The following SDK2 variants were observed in gnomAD, a reference collection of about 807,000 sequenced individuals.
SDK2 encodes sidekick cell adhesion molecule 2, also known as protein sidekick-2.
Under a neutral mutation model 253.9 loss-of-function variants are expected in SDK2, and 105 were observed. That is an observed-to-expected ratio of 0.41 (90% confidence interval 0.35 to 0.49). SDK2 has a LOEUF of 0.49. Among genes scored for constraint, SDK2 ranks in the 20% least tolerant of loss-of-function variants. The probability of loss-of-function intolerance (pLI) is 0.06; values close to 1 mark genes in which losing one functional copy is unlikely to be tolerated. For synonymous variants in SDK2, 1,249 were observed against 1,234.9 expected, an observed-to-expected ratio of 1.01 and a Z score of -0.24; for missense variants, 2,608 against 3,003.0, an observed-to-expected ratio of 0.87 and a Z score of 3.07.
At chr17:73,452,875 G>A (rs564068201) in intron 4 of SDK2, among the ~76,000 whole-genome samples, 1 of 152,270 alleles carries the variant, frequency 6.6e-6, no homozygotes, top group African/African-American at 2.4e-5. Flanking sequence ...AAACCTGTGT[G>A]GAGAGCATTC....
intron 1 of SDK2, among the ~76,000 whole-genome samples, chr17:73,634,813 C>T (rs1430982517): frequency 6.6e-6 from 1 of 152,180 alleles, no homozygotes; most frequent in East Asian, 1.9e-4. Flanking sequence ...ACACAGAACA[C>T]TGTGTCCTAA....
Position 73,358,091 on chromosome 17 carries a change from C to A in SDK2, c.5581G>T (p.Ala1861Ser), listed in dbSNP as rs1229256041. 14 of 1,613,068 alleles carry A rather than the reference C, an allele frequency of 8.7e-6. No homozygotes were observed. Among genetic ancestry groups the A allele is most frequent in the East Asian group, 4.5e-5 (2 of 44,880 alleles). ...GGGCGGGGCGCACCTGAAGGTCTGGCCTCGATGACGTAGCGGGTGATGGGC... is the reference window on the plus strand; with the variant it reads ...GGGCGGGGCGCACCTGAAGGTCTGGACTCGATGACGTAGCGGGTGATGGGC... ...KGPITRYVIE[A>S]RPSDEGLWDI... The change falls in exon 40 of 45, where the codon GCC becomes TCC. Residue 1861 changes from alanine to serine, a missense_variant. Physicochemically the swap from Ala to Ser is moderately conservative, Grantham distance 99. Transcript: ENST00000392650.
At chr17:73,348,514 A>G (rs998394284) in intron 44 of SDK2, 85 bp downstream of exon 44, 26 of 1,488,338 alleles carry the variant, frequency 1.7e-5, no homozygotes, top group Non-Finnish European at 1.7e-5. Flanking sequence ...GAAGGAAAGG[A>G]AGAAAGCCCA....
At chr17:73,531,198 G>A (rs2064166532) in intron 1 of SDK2, among the ~76,000 whole-genome samples, 1 of 152,152 alleles carries the variant, frequency 6.6e-6, no homozygotes, top group Admixed American at 6.5e-5. Flanking sequence ...CTTTAACCCT[G>A]ATTTCTTGCC....
At chr17:73,440,688 AT>A in intron 6 of SDK2, 123 bp downstream of exon 6, 1 of 740,618 alleles carries the variant, frequency 1.4e-6, no homozygotes, top group Non-Finnish European at 2.4e-6. Context: ...GTCTCCTTGC[AT>A]CCCTCCTCCC....
chr17:73,634,965 G>T (rs79109180), intron 1 of SDK2, among the ~76,000 whole-genome samples: 1 of 151,970 alleles, frequency 6.6e-6, no homozygotes, highest in African/African-American at 2.4e-5. Context: ...TTGAGCCCAG[G>T]GAGTCACCCG....
intron 40 of SDK2, chr17:73,357,233 C>A (rs1313937606): frequency 1.3e-5 from 2 of 152,342 alleles, no homozygotes; most frequent in Non-Finnish European, 2.9e-5. Context: ...ATGATTAGTG[C>A]CCAGCTACCT....
At position 73,447,488 on chromosome 17, in the gene SDK2, CCCGG is replaced by C. The variant is rs2063460971; in HGVS notation, c.613+123_613+126del. ...TCTCGTCCTCCTTGGGAAGGCTCCC[CCCGG>C]CCGTCCCCTAGCTTCCCTGTCCCCC... is the stretch of plus-strand genomic sequence containing the variant. On this transcript the variant is annotated intron_variant, in intron 5 of 44. Coordinates refer to ENST00000392650, the MANE Select transcript of SDK2 (RefSeq NM_001144952.2). This position sits in a 1 kb window ranked among gnomAD's most constrained non-coding sequence, Gnocchi z 4.0. 1 of 1,370,528 alleles carries C rather than the reference CCCGG, an allele frequency of 7.3e-7. No individual in the cohort carries two copies. The highest frequency in any genetic ancestry group is 1.4e-5 in the African/African-American group (1 of 69,604). The allele number at this position is 1,370,528 out of a possible 1,614,324, so 84.9% of individuals were successfully genotyped here. A position where few individuals can be genotyped will look rare whatever the true frequency, so the allele number is the denominator to read the frequency against.
chr17:73,584,310 C>T (rs867981029), intron 1 of SDK2, among the ~76,000 whole-genome samples: 3 of 152,316 alleles, frequency 2.0e-5, no homozygotes, highest in Middle Eastern at 3.4e-3. Flanking sequence ...GCCGGTGCTA[C>T]AGGGGTGGGA....
chr17:73,488,469 G>A (rs1327351658), intron 2 of SDK2, among the ~76,000 whole-genome samples: 4 of 152,232 alleles, frequency 2.6e-5, no homozygotes, highest in African/African-American at 4.8e-5. Flanking sequence ...TCTGCAAGAA[G>A]CAGGAGTCAA....
In SDK2 at chr17:73,416,220, G is replaced by A. The variant is rs532635042; in HGVS notation, c.2187-228C>T. On this transcript the variant is annotated intron_variant, in intron 16 of 44. Transcript: ENST00000392650. ...TTCAATTTTTTTTTTTTTTTGAGAC[G>A]GAGTCTTGTTCTGTCACCCAGGCTG... is the stretch of plus-strand genomic sequence containing the variant. Among the ~76,000 whole-genome samples, 12 of 3,828 alleles carry A rather than the reference G, an allele frequency of 3.1e-3. No individual in the cohort carries two copies. The East Asian group carries it at 0.094, about 30-fold the overall frequency. The allele number at this position is 3,828 out of a possible 152,430, so 2.5% of individuals were successfully genotyped here. A position where few individuals can be genotyped will look rare whatever the true frequency, so the allele number is the denominator to read the frequency against.
At chr17:73,569,178 T>G (rs1285414851) in intron 1 of SDK2, among the ~76,000 whole-genome samples, 1 of 151,522 alleles carries the variant, frequency 6.6e-6, no homozygotes, top group Non-Finnish European at 1.5e-5. Context: ...CCAAAGCCCA[T>G]GTTCTTTCTT....
chr17:73,483,562 T>G (rs1484408247), intron 2 of SDK2, among the ~76,000 whole-genome samples: 1 of 143,292 alleles, frequency 7.0e-6, no homozygotes, highest in Non-Finnish European at 1.5e-5. Flanking sequence ...TATGTGTATA[T>G]GTATATATAT....
chr17:73,353,797 A>T (rs1162546515), intron 40 of SDK2, among the ~76,000 whole-genome samples: 2 of 137,614 alleles, frequency 1.5e-5, no homozygotes, highest in Non-Finnish European at 3.0e-5. Context: ...TCCGCCTCCC[A>T]GGTTCAAGCT....
chr17:73,473,693 A>T (rs1402788736), intron 2 of SDK2, among the ~76,000 whole-genome samples: 1 of 152,214 alleles, frequency 6.6e-6, no homozygotes, highest in Non-Finnish European at 1.5e-5. Flanking sequence ...CACTGTATTA[A>T]GTACTTTTCA....
intron 1 of SDK2, among the ~76,000 whole-genome samples, chr17:73,599,135 G>T (rs891729970): frequency 1.3e-5 from 2 of 152,150 alleles, no homozygotes; most frequent in African/African-American, 4.8e-5. Flanking sequence ...TTTCATTGTT[G>T]TGTCCTGTGC....
intron 43 of SDK2, among the ~76,000 whole-genome samples, chr17:73,349,267 G>A (rs983549674): frequency 6.6e-6 from 1 of 152,258 alleles, no homozygotes; most frequent in East Asian, 1.9e-4. Context: ...ATTTGGCAGA[G>A]GATAAGAGCT....
Position 73,440,896 on chromosome 17 carries a change from G to T in SDK2, c.641C>A (p.Ala214Glu). The T allele has an allele frequency of 6.4e-7, 1 of 1,551,626 alleles. No individual in the cohort carries two copies. Among genetic ancestry groups the T allele is most frequent in the Non-Finnish European group, 8.7e-7 (1 of 1,146,918 alleles). The change falls in exon 6 of 45, where the codon GCA becomes GAA. Residue 214 changes from alanine to glutamate, a missense_variant. Coordinates refer to ENST00000392650, the MANE Select transcript of SDK2 (RefSeq NM_001144952.2). ...ENVGGPADPI[A>E]PTIIIPPKNT... ...TTTAGGTGGGATGATGATGGTGGGT[G>T]CGATGGGGTCTGCAGGCCCCCCTAC...
At chr17:73,489,777 T>C (rs1488537061) in intron 2 of SDK2, among the ~76,000 whole-genome samples, 1 of 152,242 alleles carries the variant, frequency 6.6e-6, no homozygotes, top group African/African-American at 2.4e-5. Context: ...TGAGGCTCTC[T>C]GCTCTGGGAT....
Sources: allele counts gnomAD v4.1 joint callset (sites outside exome capture counted in the v4.1 genomes callset), GRCh38; gene constraint gnomAD v4.1.1; non-coding constraint Gnocchi (gnomAD v3.1); transcripts MANE v1.5; gene names NCBI Gene and HGNC (gene_info 2026-07-23, HGNC 2026-07-21).